The following IQCM variants were observed in gnomAD, a reference collection of about 807,000 sequenced individuals.
The protein encoded by IQCM is IQ motif containing M.
A neutral mutation model predicts 57.6 loss-of-function variants in IQCM; 45 were observed. That is an observed-to-expected ratio of 0.78 (90% CI 0.62 to 1.00). The LOEUF is 1.00. Among genes scored for constraint, IQCM ranks in the 50% least tolerant of loss-of-function variants. The probability of loss-of-function intolerance (pLI) is 0.00; values close to 1 mark genes in which losing one functional copy is unlikely to be tolerated. For synonymous variants in IQCM, 148 were observed against 158.9 expected (o/e 0.93, Z 0.51); for missense variants, 468 against 511.6 (o/e 0.91, Z 0.82).
chr4:149,719,476 G>A (rs1765269601), intron 5 of IQCM, among the ~76,000 whole-genome samples: 1 of 152,188 alleles, frequency 6.6e-6, no homozygotes. Context: ...TTTGAGCCTG[G>A]GAAGTTGAAA....
At chr4:149,645,325 CTTCT>C (rs1758543874) in intron 7 of IQCM, among the ~76,000 whole-genome samples, 1 of 152,138 alleles carries the variant, frequency 6.6e-6, no homozygotes, top group Non-Finnish European at 1.5e-5. Context: ...GATTATGCAT[CTTCT>C]TTAAGAAATC....
rs79289737 is a variant in IQCM, at chr4:149,764,112, T to G, written c.-48-21373A>C. Among the ~76,000 whole-genome samples the G allele has an allele frequency of 2.0e-4, 31 of 152,228 alleles. No individual in the cohort carries two copies. The East Asian group carries it at 5.2e-3, about 26-fold the overall frequency. On this transcript the variant is annotated intron_variant, in intron 2 of 13. Transcript: ENST00000636793. ...TACCTTGTTGGGGCACAACAACAAATTGCCACAAAAACTGGTGCTTGGATA... is the reference window on the plus strand; with the variant it reads ...TACCTTGTTGGGGCACAACAACAAAGTGCCACAAAAACTGGTGCTTGGATA...
intron 12 of IQCM, among the ~76,000 whole-genome samples, chr4:149,506,825 C>G (rs1433307153): frequency 6.6e-6 from 1 of 152,112 alleles, no homozygotes; most frequent in African/African-American, 2.4e-5. Context: ...CCCCTTCCTG[C>G]TCTGACACTG....
chr4:149,693,542 T>TC (rs1208262425), intron 5 of IQCM, among the ~76,000 whole-genome samples: 7 of 152,214 alleles, frequency 4.6e-5, no homozygotes, highest in African/African-American at 1.7e-4. Context: ...CAGACCTTTA[T>TC]CATCTTTCAT....
At chr4:149,669,825 T>G (rs1197152818) in intron 7 of IQCM, among the ~76,000 whole-genome samples, 1 of 152,040 alleles carries the variant, frequency 6.6e-6, no homozygotes, top group African/African-American at 2.4e-5. Flanking sequence ...TGCTTTGTTT[T>G]GTTGGTCTAT....
intron 7 of IQCM, among the ~76,000 whole-genome samples, chr4:149,679,711 C>G (rs958368835): frequency 6.6e-6 from 1 of 150,776 alleles, no homozygotes; most frequent in African/African-American, 2.4e-5. Flanking sequence ...TACCATATAC[C>G]CCAGGGAAAA....
intron 2 of IQCM, among the ~76,000 whole-genome samples, chr4:149,756,456 C>T (rs1325211007): frequency 6.6e-6 from 1 of 151,978 alleles, no homozygotes; most frequent in Non-Finnish European, 1.5e-5. Flanking sequence ...CAAAGACTTT[C>T]CAAAATACTA....
rs540887847 is a variant in IQCM at position 149,614,105 on chromosome 4, C to T, written c.681+7024G>A. Among the ~76,000 whole-genome samples the T allele has an allele frequency of 5.3e-5, 8 of 152,154 alleles. No homozygotes were observed. In the South Asian group the frequency reaches 1.2e-3, roughly 24 times the overall value. On this transcript the variant is annotated intron_variant, in intron 8 of 13. Coordinates refer to ENST00000636793, the MANE Select transcript of IQCM (RefSeq NM_001363507.2). ...ACCAGCAATTCTTTTTTATTCTCCTCTCTCATGTAGGATGTGTTCCCCTTG... is the reference window on the plus strand; with the variant it reads ...ACCAGCAATTCTTTTTTATTCTCCTTTCTCATGTAGGATGTGTTCCCCTTG...
chr4:149,563,523 T>C (rs1174404784), intron 10 of IQCM, among the ~76,000 whole-genome samples, 169 bp downstream of exon 10: 3 of 151,956 alleles, frequency 2.0e-5, no homozygotes, highest in Admixed American at 1.3e-4. Flanking sequence ...CAGGCAGAGG[T>C]TGCAGTGAGC....
intron 13 of IQCM, among the ~76,000 whole-genome samples, chr4:149,422,742 T>C (rs1250823607): frequency 6.6e-6 from 1 of 151,936 alleles, no homozygotes; most frequent in Admixed American, 6.6e-5. Flanking sequence ...TGCCCTCAGC[T>C]CCTCAATTCA....
chr4:149,389,433 C>T (rs985148425), intron 13 of IQCM, among the ~76,000 whole-genome samples: 3 of 151,732 alleles, frequency 2.0e-5, no homozygotes, highest in African/African-American at 7.3e-5. Context: ...GCATTATTCA[C>T]AATAGCAAAG....
intron 8 of IQCM, among the ~76,000 whole-genome samples, chr4:149,593,703 T>TATAG (rs1007145019): frequency 1.3e-5 from 2 of 152,168 alleles, no homozygotes; most frequent in Non-Finnish European, 1.5e-5. Flanking sequence ...TTTCTGCATC[T>TATAG]ACTGAGATCA....
At chr4:149,756,734 A>C (rs185762910) in intron 2 of IQCM, among the ~76,000 whole-genome samples, 200 of 152,300 alleles carry the variant, frequency 1.3e-3, no homozygotes, top group Non-Finnish European at 2.2e-3. Flanking sequence ...AACAATCAAG[A>C]AGGGGGAAAG....
chr4:149,376,118 T>A (rs1343156854), intron 13 of IQCM, among the ~76,000 whole-genome samples: 1 of 152,180 alleles, frequency 6.6e-6, no homozygotes, highest in Non-Finnish European at 1.5e-5. Flanking sequence ...GAAATATTCC[T>A]ACCCCACACT....
intron 8 of IQCM, among the ~76,000 whole-genome samples, chr4:149,589,247 T>C (rs1394165158): frequency 6.6e-6 from 1 of 152,110 alleles, no homozygotes; most frequent in South Asian, 2.1e-4. Flanking sequence ...GAGTTGTTAG[T>C]GTTGTTGTCT....
chr4:149,666,637 G>A (rs950916435), intron 7 of IQCM, among the ~76,000 whole-genome samples: 10 of 152,130 alleles, frequency 6.6e-5, no homozygotes, highest in Non-Finnish European at 2.9e-5. Flanking sequence ...TTGCTCAGTG[G>A]ATCCTACCCC....
rs1735993706 is a variant in IQCM, at chr4:149,442,031, A to G, written c.1229-8474T>C. ...TTCCAGCCTCCATAATTGTGAGAAA[A>G]TACCTATCTGTTCCTTATAAATTAC... is the stretch of plus-strand genomic sequence containing the variant. On this transcript the variant is annotated intron_variant, in intron 12 of 13. Coordinates refer to ENST00000636793, the MANE Select transcript of IQCM (RefSeq NM_001363507.2). Among the ~76,000 whole-genome samples, 4 of 152,126 alleles carry G rather than the reference A, an allele frequency of 2.6e-5. No individual in the cohort carries two copies. In the South Asian group the frequency reaches 8.3e-4, roughly 31 times the overall value.
intron 13 of IQCM, among the ~76,000 whole-genome samples, chr4:149,380,016 T>G (rs1205918988): frequency 6.6e-6 from 1 of 152,176 alleles, no homozygotes; most frequent in Non-Finnish European, 1.5e-5. Context: ...CGCTTGGTTT[T>G]CATTCTCTTC....
At chr4:149,400,384 G>A (rs1428697048) in intron 13 of IQCM, among the ~76,000 whole-genome samples, 2 of 151,982 alleles carry the variant, frequency 1.3e-5, no homozygotes, top group Non-Finnish European at 2.9e-5. Flanking sequence ...AGTGCCTTAT[G>A]GCACCATGGA....
Sources: allele counts gnomAD v4.1 joint callset (sites outside exome capture counted in the v4.1 genomes callset), GRCh38; gene constraint gnomAD v4.1.1; transcripts MANE v1.5; gene names NCBI Gene and HGNC (gene_info 2026-07-23, HGNC 2026-07-21).